EFHB: variants seen among roughly 807,000 people sequenced by gnomAD.
EFHB encodes the protein EF-hand domain-containing family member B.
In EFHB, 91 loss-of-function variants were observed where a neutral mutation model predicts 87.2. The observed-to-expected ratio is 1.04, with a 90% CI of 0.88 to 1.24. The LOEUF (loss-of-function observed/expected upper bound fraction) is 1.24, where lower values mean the gene tolerates loss of function less well. EFHB is among the 50% of genes most tolerant of loss of function. The probability of loss-of-function intolerance (pLI) is 0.00; values close to 1 mark genes in which losing one functional copy is unlikely to be tolerated. For synonymous variants in EFHB, 325 were observed against 333.6 expected, an observed-to-expected ratio of 0.97 and a Z score of 0.28; for missense variants, 1,084 against 998.8, an observed-to-expected ratio of 1.09 and a Z score of -1.15.
At chr3:19,914,199 G>C (rs996932963) in intron 5 of EFHB, among the ~76,000 whole-genome samples, 4 of 152,112 alleles carry the variant, frequency 2.6e-5, no homozygotes, top group African/African-American at 9.7e-5. Context: ...CCGGCGCTGA[G>C]ATTACAAGAG....
At chr3:19,882,813 T>C in intron 11 of EFHB, 82 bp from the exon 12 acceptor site, 2 of 1,252,092 alleles carry the variant, frequency 1.6e-6, no homozygotes, top group Non-Finnish European at 2.1e-6. Flanking sequence ...ATGTGCATAC[T>C]GAGCACTTAA....
upstream of EFHB, among the ~76,000 whole-genome samples, chr3:19,935,620 G>C (rs764430741): frequency 9.2e-5 from 14 of 151,762 alleles, no homozygotes; most frequent in Non-Finnish European, 1.8e-4. Flanking sequence ...GCTGAGGCAA[G>C]AGAATCATTT....
intron 1 of EFHB, chr3:19,940,767 G>A: frequency 2.9e-6 from 1 of 348,230 alleles, no homozygotes; most frequent in Non-Finnish European, 5.8e-6. Flanking sequence ...TTCAATGTGA[G>A]GAACACCTTG....
At chr3:19,884,239 A>T in intron 11 of EFHB, 164 bp downstream of exon 11, 5 of 631,164 alleles carry the variant, frequency 7.9e-6, no homozygotes, top group Non-Finnish European at 1.4e-5. Flanking sequence ...TTCAATCAAC[A>T]TTTATATGTG....
intron 1 of EFHB, among the ~76,000 whole-genome samples, chr3:19,928,126 T>C (rs1031293453): frequency 6.6e-6 from 1 of 151,706 alleles, no homozygotes; most frequent in Non-Finnish European, 1.5e-5. Flanking sequence ...GAACCACAAA[T>C]ACAAAAATCC....
chr3:19,906,019 C>T (rs1162931842), intron 5 of EFHB, among the ~76,000 whole-genome samples: 1 of 152,142 alleles, frequency 6.6e-6, no homozygotes, highest in African/African-American at 2.4e-5. Context: ...CATCAAAAAA[C>T]TGTTAGAACT....
At chr3:19,879,886 T>G in intron 12 of EFHB, 82 bp from the exon 13 acceptor site, 3 of 1,370,920 alleles carry the variant, frequency 2.2e-6, no homozygotes, top group Non-Finnish European at 2.9e-6. Context: ...CATCTAAGAC[T>G]ATGGATATTT....
intron 9 of EFHB, among the ~76,000 whole-genome samples, chr3:19,893,881 C>T (rs1694388373): frequency 6.6e-6 from 1 of 152,188 alleles, no homozygotes; most frequent in Non-Finnish European, 1.5e-5. Flanking sequence ...ATTATTGAAC[C>T]TAACTGAGAA....
At chr3:19,880,229 C>CATTTATTTATTT (rs59492875) in intron 12 of EFHB, among the ~76,000 whole-genome samples, 25,614 of 147,424 alleles carry the variant, frequency 0.17, 2,523 homozygotes, top group Non-Finnish European at 0.19. Context: ...ACATTAGTTT[C>CATTTATTTATTT]ATTTATTTAT....
chr3:19,895,139 C>G (rs1575003016), intron 9 of EFHB, among the ~76,000 whole-genome samples: 1 of 149,652 alleles, frequency 6.7e-6, no homozygotes, highest in African/African-American at 2.5e-5. Flanking sequence ...TAAGGCATAT[C>G]AGCATTAAAT....
intron 6 of EFHB, among the ~76,000 whole-genome samples, chr3:19,901,693 A>C (rs9845694): frequency 0.029 from 4,377 of 152,300 alleles, 215 homozygotes; most frequent in African/African-American, 0.099. Context: ...TCACACCTGT[A>C]ATCCCAGCAC....
At position 19,919,818 on chromosome 3, in the gene EFHB, A is replaced by G; in HGVS notation, c.996+15T>C. ...TAAATTAATAATGTACAAGGAAAAA[A>G]AGAAAATAACTTACCAGTACTGAAA... On this transcript the variant is annotated intron_variant, in intron 3 of 12. Transcript: ENST00000295824. 6.2e-7 allele frequency: 1 copy of G among 1,606,996 alleles called. No individual in the cohort carries two copies. Among genetic ancestry groups the G allele is most frequent in the Non-Finnish European group, 8.5e-7 (1 of 1,175,014 alleles).
intron 1 of EFHB, among the ~76,000 whole-genome samples, chr3:19,939,520 G>A (rs1238783561): frequency 6.6e-6 from 1 of 150,824 alleles, no homozygotes; most frequent in African/African-American, 2.4e-5. Context: ...GAGTAGCTGG[G>A]ACTACAGGCG....
Position 19,888,632 on chromosome 3 carries a change from T to A in EFHB, c.1745A>T (p.Asp582Val), listed in dbSNP as rs1394979840. 8.7e-6 allele frequency: 14 copies of A among 1,606,366 alleles called. No individual in the cohort carries two copies. The highest frequency in any genetic ancestry group is 1.2e-5 in the Non-Finnish European group (14 of 1,175,934). Residue 582 changes from aspartate (D) to valine (V), a missense_variant, in exon 10 of 13, where the codon GAT becomes GTT. Physicochemically the swap from Asp to Val is radical, Grantham distance 152 (BLOSUM62 -3). Coordinates refer to ENST00000295824, the MANE Select transcript of EFHB (RefSeq NM_144715.4). ...HYDKKGDGMI[D>V]KDELQEACDQ... The stretch of plus-strand genomic sequence containing the variant: ...ACAAGCTTCCTGCAGCTCGTCTTTA[T>A]CTATCATCCCATCTCCCTTCTGTTA...
intron 5 of EFHB, among the ~76,000 whole-genome samples, chr3:19,908,598 GAGAA>G (rs767343345): frequency 0.017 from 1,287 of 77,518 alleles, 23 homozygotes; most frequent in Middle Eastern, 0.049. Context: ...GAGAGAGAGA[GAGAA>G]AGAAAGAAAG....
chr3:19,935,273 T>C (rs1203469553), upstream of EFHB, among the ~76,000 whole-genome samples: 2 of 152,212 alleles, frequency 1.3e-5, no homozygotes, highest in East Asian at 1.9e-4. Flanking sequence ...TTAAAGATAA[T>C]GTGGCAAACT....
At position 19,916,324 on chromosome 3, in the gene EFHB, G is replaced by C. The variant is rs1203572717; in HGVS notation, c.1178-911C>G. ...GGGGTCGGGAGTTCAAGACCAGCCT[G>C]AGCAACATGGTGAAACCCTGTCTCT... On this transcript the variant is annotated intron_variant, in intron 4 of 12. Transcript: ENST00000295824. Among the ~76,000 whole-genome samples the C allele has an allele frequency of 5.9e-5, 9 of 152,186 alleles. No homozygotes were observed. The East Asian group carries it at 1.5e-3, about 26-fold the overall frequency.
chr3:19,917,261 T>C (rs1008196252), intron 4 of EFHB, among the ~76,000 whole-genome samples: 1 of 150,572 alleles, frequency 6.6e-6, no homozygotes. Flanking sequence ...TTCATATATA[T>C]AGAAACATAA....
At chr3:19,935,178 G>C (rs973814671), upstream of EFHB, among the ~76,000 whole-genome samples, 1 of 152,012 alleles carries the variant, frequency 6.6e-6, no homozygotes, top group African/African-American at 2.4e-5. Flanking sequence ...CCAAAGTGTC[G>C]GATTACAGGC....
Sources: allele counts gnomAD v4.1 joint callset (sites outside exome capture counted in the v4.1 genomes callset), GRCh38; gene constraint gnomAD v4.1.1; transcripts MANE v1.5; gene names NCBI Gene and HGNC (gene_info 2026-07-23, HGNC 2026-07-21).